TRPM3: variants seen among roughly 807,000 people sequenced by gnomAD.
TRPM3 encodes transient receptor potential cation channel subfamily M member 3.
A neutral mutation model predicts 181.2 loss-of-function variants in TRPM3; 77 were observed. That is an observed-to-expected ratio of 0.42 (90% CI 0.35 to 0.51). The LOEUF (loss-of-function observed/expected upper bound fraction) is 0.51, where lower values mean the gene tolerates loss of function less well. Ranked by LOEUF, TRPM3 falls within the 20% of genes least tolerant of loss-of-function variation. TRPM3 has a pLI of 0.01. For synonymous variants in TRPM3, 745 were observed against 796.4 expected (o/e 0.94, Z 1.09); for missense variants, 1,759 against 2,196.7 (o/e 0.80, Z 3.98).
chr9:71,192,120 C>T (rs979833219), intron 1 of TRPM3, among the ~76,000 whole-genome samples: 2 of 151,896 alleles, frequency 1.3e-5, no homozygotes, highest in African/African-American at 4.8e-5. Context: ...ATAGCAAAAG[C>T]ACATATTATT....
chr9:71,007,786 T>G (rs900214141), intron 1 of TRPM3, among the ~76,000 whole-genome samples: 18 of 152,108 alleles, frequency 1.2e-4, no homozygotes, highest in African/African-American at 4.1e-4. Context: ...CAAACACTTT[T>G]GCTGTAGAGT....
At chr9:71,431,324 T>C (rs1198722853) in intron 1 of TRPM3, among the ~76,000 whole-genome samples, 2 of 152,196 alleles carry the variant, frequency 1.3e-5, no homozygotes, top group East Asian at 3.8e-4. Flanking sequence ...AAAGGATAAG[T>C]AAATGTTTCA....
chr9:71,233,000 T>C (rs531936990), intron 1 of TRPM3, among the ~76,000 whole-genome samples: 3 of 152,280 alleles, frequency 2.0e-5, no homozygotes, highest in Admixed American at 2.0e-4. Flanking sequence ...TCATCAGCCT[T>C]CATCCAGGAG....
chr9:71,200,073 T>C (rs2078676225), intron 1 of TRPM3, among the ~76,000 whole-genome samples: 1 of 152,110 alleles, frequency 6.6e-6, no homozygotes, highest in South Asian at 2.1e-4. Context: ...GTATGTTGTG[T>C]CTTTGTTCTC....
intron 1 of TRPM3, among the ~76,000 whole-genome samples, chr9:71,052,544 C>T (rs979053565): frequency 3.9e-5 from 6 of 152,166 alleles, no homozygotes; most frequent in African/African-American, 9.7e-5. Flanking sequence ...TGTTTCATGA[C>T]GTTTGCTCTA....
chr9:70,915,112 G>T (rs964663845), intron 1 of TRPM3, among the ~76,000 whole-genome samples: 2 of 152,106 alleles, frequency 1.3e-5, no homozygotes, highest in Admixed American at 6.5e-5. Flanking sequence ...AACCAAATAA[G>T]ATCATAGAGA....
rs575168150 is a variant in TRPM3 at position 70,798,484 on chromosome 9, C to A, written c.974-14205G>T. ...ATTAATTATTCATTACTTTATGATC[C>A]CATTTTTTTAAAAGAATGTCTTTTG... On this transcript the variant is annotated intron_variant, in intron 6 of 25. Coordinates refer to ENST00000677713, the MANE Select transcript of TRPM3 (RefSeq NM_001366145.2). Among the ~76,000 whole-genome samples, 5 of 152,208 alleles carry A rather than the reference C, an allele frequency of 3.3e-5. No individual in the cohort carries two copies. In the East Asian group the frequency reaches 9.7e-4, roughly 29 times the overall value.
upstream of TRPM3, among the ~76,000 whole-genome samples, chr9:71,125,458 T>C (rs1156996090): frequency 6.6e-6 from 1 of 152,220 alleles, no homozygotes; most frequent in Non-Finnish European, 1.5e-5. Context: ...TTTGGTTCTC[T>C]GTTCCTGTGT....
chr9:70,933,704 A>AT (rs552674600), intron 1 of TRPM3, among the ~76,000 whole-genome samples: 152 of 149,632 alleles, frequency 1.0e-3, no homozygotes, highest in African/African-American at 2.0e-3. Flanking sequence ...CTAAAAAGAG[A>AT]TTTTTTTTTT....
At chr9:70,812,208 CT>C (rs1222588882) in intron 6 of TRPM3, among the ~76,000 whole-genome samples, 1 of 152,170 alleles carries the variant, frequency 6.6e-6, no homozygotes, top group Non-Finnish European at 1.5e-5. Flanking sequence ...TAGACCCTAG[CT>C]TCCTAGGATC....
intron 1 of TRPM3, among the ~76,000 whole-genome samples, chr9:71,282,270 GAGAAAGAAAGAAA>G (rs1326902796): frequency 1.4e-4 from 7 of 49,826 alleles, no homozygotes; most frequent in Non-Finnish European, 2.2e-4. Flanking sequence ...GAAAGAAAGA[GAGAAAGAAAGAAA>G]AGAAAGAAAG....
chr9:70,670,312 G>A (rs2062671141), intron 9 of TRPM3, among the ~76,000 whole-genome samples: 1 of 152,160 alleles, frequency 6.6e-6, no homozygotes, highest in Admixed American at 6.5e-5. Context: ...GAAAATTAAT[G>A]ATAAAACTTG....
At position 71,367,729 on chromosome 9, in the gene TRPM3, C is replaced by T. The variant is rs75552849; in HGVS notation, c.183+78924G>A. On this transcript the variant is annotated intron_variant, in intron 1 of 24. Transcript: ENST00000357533. ...AAAGTGCTCTGTAAACTAAAGAGAA[C>T]AAGGTATGAGGAATTAGCAATTTCC... Among the ~76,000 whole-genome samples the T allele has an allele frequency of 9.2e-3, 1,404 of 152,142 alleles. 21 individuals are homozygous for T. Among genetic ancestry groups the T allele is most frequent in the African/African-American group, 0.032 (1,321 of 41,492 alleles).
chr9:70,574,084 ACG>A (rs34215081), intron 22 of TRPM3, among the ~76,000 whole-genome samples: 37,550 of 145,428 alleles, frequency 0.26, 5,063 homozygotes, highest in Admixed American at 0.32. Flanking sequence ...AGACACACAC[ACG>A]CGCGCGCACA....
At chr9:71,159,604 TTCCTTTGACTA>T (rs1207188909) in intron 1 of TRPM3, among the ~76,000 whole-genome samples, 7 of 152,136 alleles carry the variant, frequency 4.6e-5, no homozygotes, top group African/African-American at 1.7e-4. Context: ...TATAACTGCC[TTCCTTTGACTA>T]GCCTTGGAGT....
intron 9 of TRPM3, among the ~76,000 whole-genome samples, chr9:70,660,507 T>C (rs1302580261): frequency 6.6e-6 from 1 of 152,070 alleles, no homozygotes; most frequent in Non-Finnish European, 1.5e-5. Flanking sequence ...CTCCCTAAAA[T>C]GTATAAAACC....
intron 1 of TRPM3, among the ~76,000 whole-genome samples, chr9:71,345,174 C>T (rs952487141): frequency 3.0e-4 from 46 of 152,196 alleles, no homozygotes; most frequent in Admixed American, 1.8e-3. Context: ...TTGTGGAAGA[C>T]AGTGTGGTGA....
intron 1 of TRPM3, among the ~76,000 whole-genome samples, chr9:71,075,714 G>A (rs143534533): frequency 1.2e-3 from 184 of 152,186 alleles, no homozygotes; most frequent in African/African-American, 4.2e-3. Flanking sequence ...TAATATTTGC[G>A]CAAAAGTAAA....
At chr9:70,781,891 T>C (rs1400860215) in intron 7 of TRPM3, among the ~76,000 whole-genome samples, 1 of 152,104 alleles carries the variant, frequency 6.6e-6, no homozygotes, top group East Asian at 1.9e-4. Context: ...TCCAAGATCA[T>C]GATAAATAAT....
Sources: allele counts gnomAD v4.1 joint callset (sites outside exome capture counted in the v4.1 genomes callset), GRCh38; gene constraint gnomAD v4.1.1; transcripts MANE v1.5; gene names NCBI Gene and HGNC (gene_info 2026-07-23, HGNC 2026-07-21).